The following SNX12 variants were observed in gnomAD, a reference collection of about 807,000 sequenced individuals.
The protein encoded by SNX12 is sorting nexin-12.
For missense variants in SNX12, 62 were observed against 141.3 expected (o/e 0.44, Z 2.84); for synonymous variants, 47 against 56.0 (o/e 0.84, Z 0.71).
chrX:71,072,912 C>A (rs193225761), upstream of SNX12, among the ~76,000 whole-genome samples: 279 of 106,069 alleles, frequency 2.6e-3, no homozygotes, highest in Admixed American at 3.7e-3. Flanking sequence ...TCCATACACA[C>A]ACACACACAC....
intron 3 of SNX12, among the ~76,000 whole-genome samples, 168 bp from the exon 4 acceptor site, chrX:71,061,286 G>A (rs191570440): frequency 9.0e-6 from 1 of 111,238 alleles, no homozygotes; most frequent in African/African-American, 3.3e-5. Context: ...AGGGGACGGG[G>A]GATAGAGGGG....
chrX:71,071,587 T>TTC, upstream of SNX12, among the ~76,000 whole-genome samples: 1 of 49,849 alleles, frequency 2.0e-5, no homozygotes, highest in Admixed American at 4.8e-4. Flanking sequence ...TATATAAATA[T>TTC]ATAATATTTA....
rs779422490 is a variant in SNX12, at chrX:71,059,644, A to G, written c.*1372T>C. ...GTCAGAATCAGCAATCCTTTTCCAC[A>G]GTGCCCTGCATAGAAAACTCCAATC... On this transcript the variant is annotated 3_prime_UTR_variant, in exon 4 of 4. Transcript: ENST00000374274. 3 of 110,808 alleles carry G rather than the reference A, an allele frequency of 2.7e-5. No homozygotes were observed. The highest frequency in any genetic ancestry group is 6.6e-5 in the African/African-American group (2 of 30,378). 9.1% of individuals were successfully genotyped at this position (110,808 alleles called of 1,213,427 possible).
intron 1 of SNX12, among the ~76,000 whole-genome samples, chrX:71,063,372 T>G (rs762761542): frequency 9.2e-6 from 1 of 108,970 alleles, no homozygotes; most frequent in South Asian, 4.0e-4. Context: ...CGGCACACAC[T>G]TGTAATCTCA....
At chrX:71,062,352 C>A (rs1464230509) in intron 2 of SNX12, among the ~76,000 whole-genome samples, 1 of 106,518 alleles carries the variant, frequency 9.4e-6, no homozygotes, top group East Asian at 2.9e-4. Flanking sequence ...AAAACTTGTC[C>A]TGAACTTACC....
upstream of SNX12, chrX:71,068,406 A>G: frequency 1.4e-6 from 1 of 712,179 alleles, no homozygotes; most frequent in Non-Finnish European, 1.9e-6. Flanking sequence ...TAACTAGCCA[A>G]CCCACAGGCG....
chrX:71,070,845 T>G (rs1396042939), upstream of SNX12, among the ~76,000 whole-genome samples: 1 of 111,273 alleles, frequency 9.0e-6, no homozygotes, highest in Non-Finnish European at 1.9e-5. Flanking sequence ...ATACTGGTTG[T>G]CTCTGGAGAG....
upstream of SNX12, among the ~76,000 whole-genome samples, chrX:71,072,906 T>TACAC (rs59544159): frequency 4.4e-3 from 446 of 101,435 alleles, 1 homozygote; most frequent in African/African-American, 7.5e-3. Flanking sequence ...CTGGCTTCCA[T>TACAC]ACACACACAC....
At chrX:71,071,469 AATT>A (rs996060648), upstream of SNX12, among the ~76,000 whole-genome samples, 55 of 74,496 alleles carry the variant, frequency 7.4e-4, 1 homozygote, top group African/African-American at 2.5e-3. Context: ...ATATTTATAT[AATT>A]ATTATAGTTT....
chrX:71,061,184 G>T, intron 3 of SNX12, 66 bp from the exon 4 acceptor site: 1 of 940,837 alleles, frequency 1.1e-6, no homozygotes, highest in African/African-American at 1.9e-5. Context: ...GAGGGATGGG[G>T]ATGTGGACAG....
At chrX:71,064,502 A>C (rs192417490) in intron 1 of SNX12, among the ~76,000 whole-genome samples, 116 of 112,773 alleles carry the variant, frequency 1.0e-3, no homozygotes, top group African/African-American at 3.6e-3. Flanking sequence ...TGCTCAATTG[A>C]TTAATAGAGA....
At position 71,065,006 on chromosome X, in the gene SNX12, A is replaced by G. The variant is rs2092146107; in HGVS notation, c.166-2057T>C. 3.5e-5 allele frequency among the ~76,000 whole-genome samples: 4 copies of G among 112,885 alleles called. No homozygotes were observed. In the South Asian group the frequency reaches 1.4e-3, roughly 40 times the overall value. On this transcript the variant is annotated intron_variant, in intron 1 of 3. Coordinates refer to ENST00000374274, the MANE Select transcript of SNX12 (RefSeq NM_013346.4). ...CTCCATCCAGGATCGTCAAGGTCCA[A>G]GGAATGTCAATAGGTTGAAATGGAG...
At position 71,068,132 on chromosome X, in the gene SNX12, C is replaced by T. The variant is rs200650501; in HGVS notation, c.165+10G>A. 1.8e-5 allele frequency: 21 copies of T among 1,195,044 alleles called. No homozygotes were observed. The highest frequency in any genetic ancestry group is 7.3e-5 in the South Asian group (4 of 54,986). On this transcript the variant is annotated intron_variant, in intron 1 of 3. Transcript: ENST00000374274. ...CCTCCCTCAGCTGTCTCCCTCACCC[C>T]GTGACTCACCCGCATGCGAACCTCA...
Position 71,060,749 on chromosome X carries a change from G to A in SNX12, c.*267C>T. ...CCTTCTGGCATGGGTAAATGCCCAA[G>A]AAATTGCCTTCCAGTCTAATCCCCC... On this transcript the variant is annotated 3_prime_UTR_variant, in exon 4 of 4. Transcript: ENST00000374274. 4.0e-5 allele frequency: 11 copies of A among 275,615 alleles called. No homozygotes were observed. Among genetic ancestry groups the A allele is most frequent in the Non-Finnish European group, 4.4e-5 (7 of 157,336 alleles). The allele number at this position is 275,615 out of a possible 1,213,427, so 22.7% of individuals were successfully genotyped here. A position where few individuals can be genotyped will look rare whatever the true frequency, so the allele number is the denominator to read the frequency against.
In SNX12 at chrX:71,068,088, C is replaced by T; in HGVS notation, c.165+54G>A. The T allele has an allele frequency of 6.5e-6, 7 of 1,084,756 alleles. No homozygotes were observed. In the South Asian group the frequency reaches 1.6e-4, roughly 25 times the overall value. 89.4% of individuals were successfully genotyped at this position (1,084,756 alleles called of 1,213,427 possible). A position where few individuals can be genotyped will look rare whatever the true frequency, so the allele number is the denominator to read the frequency against. On this transcript the variant is annotated intron_variant, in intron 1 of 3. Coordinates refer to ENST00000374274, the MANE Select transcript of SNX12 (RefSeq NM_013346.4). ...CCCCGCGGTAGCCTCCCTCCCCCCTCCCGCTCGCGCCGCCCGGTCCTCCCT... is the reference window on the plus strand; with the variant it reads ...CCCCGCGGTAGCCTCCCTCCCCCCTTCCGCTCGCGCCGCCCGGTCCTCCCT...
chrX:71,068,413 G>A, upstream of SNX12: 2 of 656,631 alleles, frequency 3.0e-6, no homozygotes, highest in Non-Finnish European at 4.3e-6. Context: ...CCAACCCACA[G>A]GCGGCGGCGG....
intron 1 of SNX12, 88 bp downstream of exon 1, chrX:71,068,054 G>A (rs1056168071): frequency 1.7e-5 from 15 of 878,894 alleles, no homozygotes; most frequent in South Asian, 8.3e-5. Flanking sequence ...CTTCCCCGCC[G>A]TTAGTTGCCC....
chrX:71,067,857 C>T (rs752666071), intron 1 of SNX12, among the ~76,000 whole-genome samples: 6 of 110,196 alleles, frequency 5.4e-5, no homozygotes, highest in Non-Finnish European at 1.1e-4. Flanking sequence ...CCTTGAATTC[C>T]TCACTCTAAT....
intron 1 of SNX12, among the ~76,000 whole-genome samples, chrX:71,064,695 AC>A (rs1161873683): frequency 8.9e-6 from 1 of 112,723 alleles, no homozygotes; most frequent in Non-Finnish European, 1.9e-5. Context: ...CCTGATCTTC[AC>A]TCCTGTCTAC....
Sources: gnomAD v4.1 joint callset for allele counts (sites outside exome capture counted in the v4.1 genomes callset) on GRCh38, gnomAD v4.1.1 for gene constraint, MANE v1.5 for transcripts, NCBI Gene and HGNC (gene_info 2026-07-23, HGNC 2026-07-21) for gene names.